PARP4: variants seen among roughly 807,000 people sequenced by gnomAD.
PARP4 encodes poly(ADP-ribose) polymerase family member 4.
In PARP4, 120 loss-of-function variants were observed where a neutral mutation model predicts 187.7. That is an observed-to-expected ratio of 0.64 (90% CI 0.55 to 0.74). The LOEUF is 0.74. Among genes scored for constraint, PARP4 ranks in the 30% least tolerant of loss-of-function variants. The pLI, the probability that PARP4 is intolerant of heterozygous loss-of-function variation, is 0.00. For synonymous variants in PARP4, 654 were observed against 740.9 expected, an observed-to-expected ratio of 0.88 and a Z score of 1.90; for missense variants, 1,836 against 2,070.5, an observed-to-expected ratio of 0.89 and a Z score of 2.20.
At chr13:24,447,580 C>G (rs1972900) in intron 25 of PARP4, among the ~76,000 whole-genome samples, 1 of 152,044 alleles carries the variant, frequency 6.6e-6, no homozygotes, top group Non-Finnish European at 1.5e-5. Flanking sequence ...AGGCTGGTCT[C>G]GAACTCCTGA....
chr13:24,451,118 C>T (rs1871494923), intron 24 of PARP4, among the ~76,000 whole-genome samples: 1 of 152,296 alleles, frequency 6.6e-6, no homozygotes, highest in East Asian at 1.9e-4. Flanking sequence ...GCCCGATGTT[C>T]GTCCCAGAAT....
chr13:24,498,177 C>A lies in PARP4; in HGVS notation c.530G>T (p.Arg177Leu), dbSNP rs754874766. The change falls in exon 6 of 34, where the codon CGG becomes CTG. Residue 177 changes from arginine (R) to leucine (L), a missense_variant. Coordinates refer to ENST00000381989, the MANE Select transcript of PARP4 (RefSeq NM_006437.4). The stretch of plus-strand genomic sequence containing the variant: ...CAGGAAAGGACAGTCCCTGGAGTCC[C>A]GCGAACACTGAAGCTCCACCACCAC... The part of the protein sequence containing the change: ...EAVVVELQCS[R>L]DSRDCPFLIS... 2 of 1,613,836 alleles carry A rather than the reference C, an allele frequency of 1.2e-6. No individual in the cohort carries two copies. The highest frequency in any genetic ancestry group is 1.1e-5 in the South Asian group (1 of 91,044).
At position 24,492,646 on chromosome 13, in the gene PARP4, A is replaced by G. The variant is rs188106191; in HGVS notation, c.880-52T>C. On this transcript the variant is annotated intron_variant, in intron 8 of 33. Transcript: ENST00000381989. ...ACAATGAAATCTCAATACAGAAATT[A>G]AGGAGCATGCACAAAACTATATAAA... 50 of 1,421,152 alleles carry G rather than the reference A, an allele frequency of 3.5e-5. 1 individual carries two copies. The East Asian group carries it at 1.2e-3, about 33-fold the overall frequency. 88.0% of individuals were successfully genotyped at this position (1,421,152 alleles called of 1,614,324 possible).
intron 25 of PARP4, among the ~76,000 whole-genome samples, chr13:24,448,597 T>G (rs1565995416): frequency 6.6e-6 from 1 of 152,134 alleles, no homozygotes; most frequent in Non-Finnish European, 1.5e-5. Flanking sequence ...AAAATGAGCA[T>G]ATGATCCAGC....
chr13:24,498,022 T>A, intron 6 of PARP4, 94 bp downstream of exon 6: 1 of 784,174 alleles, frequency 1.3e-6, no homozygotes, highest in Middle Eastern at 2.3e-4. Context: ...AGACAACAGG[T>A]AAGAAGAAAA....
intron 30 of PARP4, 47 bp downstream of exon 30, chr13:24,441,799 G>GA (rs778217576): frequency 2.6e-6 from 4 of 1,531,490 alleles, no homozygotes; most frequent in Non-Finnish European, 3.5e-6. Flanking sequence ...TCATCTTCAT[G>GA]AAAAAACGAA....
intron 12 of PARP4, among the ~76,000 whole-genome samples, chr13:24,478,563 G>A (rs1171258859): frequency 6.6e-6 from 1 of 151,896 alleles, no homozygotes; most frequent in Non-Finnish European, 1.5e-5. Flanking sequence ...AGCCTCCTGA[G>A]TAGCTGGGAC....
intron 15 of PARP4, among the ~76,000 whole-genome samples, chr13:24,473,849 G>C (rs554178319): frequency 1.3e-4 from 19 of 151,886 alleles, no homozygotes; most frequent in African/African-American, 4.6e-4. Context: ...AGCTGTCCTC[G>C]TGTGTCTCCA....
At chr13:24,465,719 C>T (rs182595340) in intron 17 of PARP4, among the ~76,000 whole-genome samples, 1 of 151,686 alleles carries the variant, frequency 6.6e-6, no homozygotes, top group East Asian at 1.9e-4. Context: ...CACCATGGCA[C>T]ACATTTGCCT....
intron 6 of PARP4, among the ~76,000 whole-genome samples, chr13:24,497,468 T>C (rs1348784314): frequency 2.0e-5 from 3 of 152,106 alleles, no homozygotes; most frequent in Admixed American, 6.5e-5. Context: ...ATTAGGAAAA[T>C]ATCCCAAAAG....
intron 33 of PARP4, among the ~76,000 whole-genome samples, chr13:24,422,058 C>T (rs1869773974): frequency 2.0e-5 from 3 of 152,284 alleles, no homozygotes; most frequent in African/African-American, 4.8e-5. Context: ...CCTGAATTTT[C>T]CCTGTGAACT....
intron 17 of PARP4, among the ~76,000 whole-genome samples, chr13:24,467,937 C>A (rs142400754): frequency 1.3e-5 from 2 of 152,178 alleles, no homozygotes; most frequent in Non-Finnish European, 2.9e-5. Context: ...TCAATAATCA[C>A]CTCTTCATTA....
chr13:24,468,893 G>A (rs1872609379), intron 17 of PARP4, 131 bp downstream of exon 17: 1 of 671,364 alleles, frequency 1.5e-6, no homozygotes, highest in Non-Finnish European at 2.6e-6. Flanking sequence ...CCCTTACTCA[G>A]ACCAAGTGGA....
chr13:24,493,740 TAATAA>T lies in PARP4; in HGVS notation c.742-12_742-8del. ...TGACTTCCTCCAAAAGCAACTACAA[TAATAA>T]AATAGAAATGCCACCAAAAAGTCAT... is the stretch of plus-strand genomic sequence containing the variant. On this transcript the variant is annotated splice_region_variant and splice_polypyrimidine_tract_variant and intron_variant, in intron 7 of 33. Transcript: ENST00000381989. The T allele has an allele frequency of 6.2e-7, 1 of 1,612,852 alleles. No homozygotes were observed. Among genetic ancestry groups the T allele is most frequent in the Non-Finnish European group, 8.5e-7 (1 of 1,179,682 alleles).
At chr13:24,482,675 T>C (rs1873341621) in intron 12 of PARP4, among the ~76,000 whole-genome samples, 1 of 152,166 alleles carries the variant, frequency 6.6e-6, no homozygotes, top group Non-Finnish European at 1.5e-5. Flanking sequence ...TTAAACACAA[T>C]GCTATTGCAC....
intron 27 of PARP4, 91 bp from the exon 28 acceptor site, chr13:24,443,821 C>A: frequency 1.1e-6 from 1 of 870,930 alleles, no homozygotes; most frequent in Non-Finnish European, 1.9e-6. Flanking sequence ...GAGGTATAAT[C>A]TGCATACAGT....
At position 24,497,188 on chromosome 13, in the gene PARP4, TGACCTAGG is replaced by T. The variant is rs1455412990; in HGVS notation, c.591+920_591+927del. 2.3e-4 allele frequency among the ~76,000 whole-genome samples: 33 copies of T among 146,020 alleles called. No individual in the cohort carries two copies. The South Asian group carries it at 2.4e-3, about 11-fold the overall frequency. On this transcript the variant is annotated intron_variant, in intron 6 of 33. Coordinates refer to ENST00000381989, the MANE Select transcript of PARP4 (RefSeq NM_006437.4). ...TGGAACTGTGCTCTTGACCTGATACTGACCTAGGGCAAAGGTATGGCCTCTGCAAAGCC... is the reference window on the plus strand; with the variant it reads ...TGGAACTGTGCTCTTGACCTGATACTGCAAAGGTATGGCCTCTGCAAAGCC...
At position 24,473,505 on chromosome 13, in the gene PARP4, ATAGAGAAGGGT is replaced by A. The variant is rs1218705583; in HGVS notation, c.1914+1956_1914+1966del. On this transcript the variant is annotated intron_variant, in intron 15 of 33. Coordinates refer to ENST00000381989, the MANE Select transcript of PARP4 (RefSeq NM_006437.4). ...ATGTTTCCTATTTATGCAATAAAACATAGAGAAGGGTATAGAGAAGGAAGCAGTTCCAGCAA... is the reference window on the plus strand; with the variant it reads ...ATGTTTCCTATTTATGCAATAAAACAATAGAGAAGGAAGCAGTTCCAGCAA... Among the ~76,000 whole-genome samples the A allele has an allele frequency of 1.9e-3, 285 of 152,026 alleles. 1 individual carries two copies. The highest frequency in any genetic ancestry group is 6.4e-3 in the African/African-American group (263 of 41,276).
At chr13:24,463,294 T>A (rs2137488631) in intron 17 of PARP4, among the ~76,000 whole-genome samples, 1 of 152,134 alleles carries the variant, frequency 6.6e-6, no homozygotes, top group Admixed American at 6.5e-5. Flanking sequence ...CAGCAAAAAA[T>A]ATCTTTCAAA....
Sources: gnomAD v4.1 joint callset for allele counts (sites outside exome capture counted in the v4.1 genomes callset) on GRCh38, gnomAD v4.1.1 for gene constraint, MANE v1.5 for transcripts, NCBI Gene and HGNC (gene_info 2026-07-23, HGNC 2026-07-21) for gene names.